The following MIPOL1 variants were observed in gnomAD, a reference collection of about 807,000 sequenced individuals.
The protein encoded by MIPOL1 is mirror-image polydactyly 1.
MIPOL1 carries 57 observed loss-of-function variants against 60.9 expected under a neutral mutation model. The ratio of observed to expected loss-of-function variants is 0.94; its 90% CI spans 0.76 to 1.17. The LOEUF (loss-of-function observed/expected upper bound fraction) is 1.17. Among genes scored for constraint, MIPOL1 ranks in the 50% most tolerant of loss-of-function variants. The pLI is 0.00. For missense variants in MIPOL1, 551 were observed against 511.6 expected, an observed-to-expected ratio of 1.08 and a Z score of -0.74; for synonymous variants, 179 against 168.8, an observed-to-expected ratio of 1.06 and a Z score of -0.47.
Position 37,243,970 on chromosome 14 carries a change from T to C in MIPOL1, c.-198-3133T>C, listed in dbSNP as rs560634800. ...ATATTTGTTTAAATTTTTTCAACCT[T>C]CTTTTTTTTGGTGAGTGCATGTAGG... On this transcript the variant is annotated intron_variant, in intron 1 of 12. Coordinates refer to ENST00000684589, the MANE Select transcript of MIPOL1 (RefSeq NM_001388067.1). Among the ~76,000 whole-genome samples, 16 of 152,142 alleles carry C rather than the reference T, an allele frequency of 1.1e-4. No individual in the cohort carries two copies. In the South Asian group the frequency reaches 1.9e-3, roughly 18 times the overall value.
At chr14:37,330,472 A>G (rs2089575276) in intron 9 of MIPOL1, among the ~76,000 whole-genome samples, 1 of 152,128 alleles carries the variant, frequency 6.6e-6, no homozygotes, top group East Asian at 1.9e-4. Context: ...TTAATGTATT[A>G]AGTATAGTTA....
chr14:37,228,639 T>C (rs189230768), intron 1 of MIPOL1, among the ~76,000 whole-genome samples: 1 of 152,272 alleles, frequency 6.6e-6, no homozygotes, highest in East Asian at 1.9e-4. Flanking sequence ...AGGAAGCAAA[T>C]TATCTTTCTT....
At chr14:37,385,558 T>C (rs1422281658) in intron 10 of MIPOL1, 1 of 152,100 alleles carries the variant, frequency 6.6e-6, no homozygotes, top group East Asian at 1.9e-4. Flanking sequence ...CTGGTTTTTT[T>C]ATAGTACAGA....
intron 12 of MIPOL1, among the ~76,000 whole-genome samples, chr14:37,514,637 TG>T (rs951372956): frequency 2.0e-5 from 3 of 151,784 alleles, no homozygotes; most frequent in Non-Finnish European, 4.4e-5. Flanking sequence ...TTTTTTTTTT[TG>T]GAGACGGAGT....
At chr14:37,419,477 A>G (rs899333638) in intron 10 of MIPOL1, among the ~76,000 whole-genome samples, 13 of 152,208 alleles carry the variant, frequency 8.5e-5, no homozygotes, top group African/African-American at 3.1e-4. Context: ...TTTACCTTAT[A>G]TAAATTATGA....
At position 37,393,874 on chromosome 14, in the gene MIPOL1, A is replaced by G. The variant is rs949453891; in HGVS notation, c.936+24250A>G. The stretch of plus-strand genomic sequence containing the variant: ...TCCCACCCCTCCTCCCAAGTCCCCA[A>G]AGTCCATTGTATCATTCTTATGCCT... On this transcript the variant is annotated intron_variant, in intron 10 of 12. Coordinates refer to ENST00000684589, the MANE Select transcript of MIPOL1 (RefSeq NM_001388067.1). 1.7e-4 allele frequency among the ~76,000 whole-genome samples: 26 copies of G among 150,100 alleles called. 1 individual carries two copies. The highest frequency in any genetic ancestry group is 5.6e-4 in the African/African-American group (23 of 40,848).
intron 11 of MIPOL1, among the ~76,000 whole-genome samples, chr14:37,495,280 C>A (rs1207019220): frequency 1.9e-5 from 2 of 104,492 alleles, no homozygotes; most frequent in Admixed American, 2.3e-4. Context: ...TCCCTCCCCC[C>A]TCCCCCCACC....
At chr14:37,216,410 C>T (rs934356031) in intron 1 of MIPOL1, among the ~76,000 whole-genome samples, 4 of 139,514 alleles carry the variant, frequency 2.9e-5, no homozygotes, top group African/African-American at 9.3e-5. Flanking sequence ...CATCAAACTT[C>T]GTTTGCATTA....
intron 1 of MIPOL1, among the ~76,000 whole-genome samples, chr14:37,200,812 T>A (rs911354584): frequency 3.3e-5 from 5 of 150,668 alleles, no homozygotes; most frequent in African/African-American, 1.2e-4. Flanking sequence ...AGATGGGCTA[T>A]ATTAGAGAAA....
At chr14:37,534,228 T>C (rs185411288) in intron 12 of MIPOL1, among the ~76,000 whole-genome samples, 2 of 152,274 alleles carry the variant, frequency 1.3e-5, no homozygotes, top group Admixed American at 6.6e-5. Flanking sequence ...TTACTTAGGG[T>C]GAAATTTTAT....
intron 9 of MIPOL1, among the ~76,000 whole-genome samples, chr14:37,337,243 C>G (rs938189574): frequency 7.5e-5 from 11 of 146,822 alleles, no homozygotes; most frequent in Non-Finnish European, 1.3e-4. Flanking sequence ...GATAATCACT[C>G]TCCTCACTGT....
In MIPOL1 at chr14:37,228,092, T is replaced by C. The variant is rs141467717; in HGVS notation, c.-198-19011T>C. ...CTTGACAGTACCATTTGGCACTTGC[T>C]GCTTGGGCTATTGCTGTGGATTTCT... On this transcript the variant is annotated intron_variant, in intron 1 of 12. Coordinates refer to ENST00000684589, the MANE Select transcript of MIPOL1 (RefSeq NM_001388067.1). Among the ~76,000 whole-genome samples the C allele has an allele frequency of 1.6e-3, 240 of 152,246 alleles. 1 individual carries two copies. In the East Asian group the frequency reaches 0.02, roughly 12 times the overall value.
chr14:37,261,982 T>A (rs2082543491), intron 3 of MIPOL1, among the ~76,000 whole-genome samples: 1 of 152,036 alleles, frequency 6.6e-6, no homozygotes, highest in Non-Finnish European at 1.5e-5. Context: ...ACTTTTATCT[T>A]GTACACACAT....
chr14:37,211,572 C>G (rs1966844452), intron 1 of MIPOL1, among the ~76,000 whole-genome samples: 1 of 152,108 alleles, frequency 6.6e-6, no homozygotes, highest in South Asian at 2.1e-4. Context: ...AATCTGAGTG[C>G]CTTCAAACCT....
intron 9 of MIPOL1, among the ~76,000 whole-genome samples, chr14:37,334,625 A>C (rs1301706901): frequency 6.6e-6 from 1 of 151,918 alleles, no homozygotes; most frequent in Non-Finnish European, 1.5e-5. Context: ...TATCAACCCC[A>C]AAAGAACCCC....
chr14:37,358,755 T>G (rs940868122), intron 9 of MIPOL1, among the ~76,000 whole-genome samples: 3 of 152,204 alleles, frequency 2.0e-5, no homozygotes, highest in African/African-American at 7.2e-5. Context: ...ATAGGTAGAT[T>G]ACAAAAATTT....
intron 9 of MIPOL1, among the ~76,000 whole-genome samples, chr14:37,311,251 C>G (rs925711412): frequency 1.3e-5 from 2 of 152,070 alleles, no homozygotes; most frequent in African/African-American, 2.4e-5. Flanking sequence ...ATGAAGCATT[C>G]GTTCACCACA....
chr14:37,461,727 C>G (rs956658424), intron 11 of MIPOL1, among the ~76,000 whole-genome samples: 1 of 152,162 alleles, frequency 6.6e-6, no homozygotes, highest in African/African-American at 2.4e-5. Context: ...CCATGCAAGT[C>G]CAAAATCCAG....
intron 12 of MIPOL1, among the ~76,000 whole-genome samples, chr14:37,528,355 AT>A (rs1300430344): frequency 6.6e-6 from 1 of 151,970 alleles, no homozygotes; most frequent in Admixed American, 6.6e-5. Context: ...TTTAATTGTT[AT>A]TTTCAAATAC....
Sources: gnomAD v4.1 joint callset for allele counts (sites outside exome capture counted in the v4.1 genomes callset) on GRCh38, gnomAD v4.1.1 for gene constraint, MANE v1.5 for transcripts, NCBI Gene and HGNC (gene_info 2026-07-23, HGNC 2026-07-21) for gene names.